ITGBL1: variants seen among roughly 807,000 people sequenced by gnomAD.
ITGBL1 encodes integrin beta-like protein 1.
In ITGBL1, 51 loss-of-function variants were observed where a neutral mutation model predicts 68.5. The observed-to-expected ratio is 0.74, with a 90% CI of 0.59 to 0.94. The LOEUF is 0.94. Among genes scored for constraint, ITGBL1 ranks in the 40% least tolerant of loss-of-function variants. The pLI, the probability that ITGBL1 is intolerant of heterozygous loss-of-function variation, is 0.00. For synonymous variants in ITGBL1, 209 were observed against 227.3 expected, an observed-to-expected ratio of 0.92 and a Z score of 0.72; for missense variants, 649 against 647.4, an observed-to-expected ratio of 1.00 and a Z score of -0.03.
At chr13:101,670,386 C>T (rs949410525) in intron 7 of ITGBL1, among the ~76,000 whole-genome samples, 1 of 152,126 alleles carries the variant, frequency 6.6e-6, no homozygotes, top group Non-Finnish European at 1.5e-5. Flanking sequence ...GTTTCTTAAA[C>T]CTTTTGATGA....
intron 7 of ITGBL1, among the ~76,000 whole-genome samples, chr13:101,632,026 AC>A (rs2031999419): frequency 6.6e-6 from 1 of 152,060 alleles, no homozygotes; most frequent in African/African-American, 2.4e-5. Flanking sequence ...AAAAGCAAAA[AC>A]TATAAAAATT....
chr13:101,591,198 C>G (rs117814162), intron 6 of ITGBL1, among the ~76,000 whole-genome samples: 1 of 152,218 alleles, frequency 6.6e-6, no homozygotes, highest in Middle Eastern at 3.4e-3. Flanking sequence ...TCACCACGTC[C>G]GATGGGAACT....
At chr13:101,606,391 G>T (rs1374794494) in intron 7 of ITGBL1, among the ~76,000 whole-genome samples, 2 of 151,364 alleles carry the variant, frequency 1.3e-5, no homozygotes, top group Non-Finnish European at 2.9e-5. Flanking sequence ...GTAACTAGAT[G>T]TAGCTCATAT....
intron 2 of ITGBL1, among the ~76,000 whole-genome samples, chr13:101,530,976 C>A (rs1324077619): frequency 6.6e-6 from 1 of 152,030 alleles, no homozygotes; most frequent in African/African-American, 2.4e-5. Context: ...GTTCGAAAGT[C>A]CATGGAGGTT....
At chr13:101,598,061 C>A in intron 6 of ITGBL1, 92 bp from the exon 7 acceptor site, 1 of 1,188,842 alleles carries the variant, frequency 8.4e-7, no homozygotes, top group South Asian at 1.6e-5. Flanking sequence ...AAGATCCTGA[C>A]TCATTTGTGA....
intron 2 of ITGBL1, among the ~76,000 whole-genome samples, chr13:101,566,775 C>G (rs2050189461): frequency 6.6e-6 from 1 of 152,168 alleles, no homozygotes; most frequent in Admixed American, 6.6e-5. Context: ...TACACTCTTC[C>G]TGTAACCCAT....
chr13:101,557,092 G>C (rs2050019515), intron 2 of ITGBL1, among the ~76,000 whole-genome samples: 1 of 152,200 alleles, frequency 6.6e-6, no homozygotes, highest in African/African-American at 2.4e-5. Context: ...CTGATGCACA[G>C]CTCCTGCTGG....
chr13:101,621,579 T>A (rs368641870), intron 7 of ITGBL1, among the ~76,000 whole-genome samples: 33 of 152,238 alleles, frequency 2.2e-4, no homozygotes, highest in South Asian at 1.2e-3. Flanking sequence ...TGCATAGCCA[T>A]TGAAAAAGGT....
At chr13:101,476,398 G>A (rs139860758) in intron 2 of ITGBL1, among the ~76,000 whole-genome samples, 1,632 of 151,738 alleles carry the variant, frequency 0.011, 21 homozygotes, top group Non-Finnish European at 0.014. Flanking sequence ...TTCACAAAAA[G>A]GAAGACAAGA....
chr13:101,527,475 G>A (rs2049400212), intron 2 of ITGBL1, among the ~76,000 whole-genome samples: 1 of 151,998 alleles, frequency 6.6e-6, no homozygotes, highest in African/African-American at 2.4e-5. Context: ...ACTATGGATG[G>A]TCATTTGAGT....
At chr13:101,719,563 A>G (rs2034851166), downstream of ITGBL1, 1 of 152,132 alleles carries the variant, frequency 6.6e-6, no homozygotes, top group Non-Finnish European at 1.5e-5. Flanking sequence ...TGTTTTAAAA[A>G]GCAATCTTAT....
intron 2 of ITGBL1, among the ~76,000 whole-genome samples, chr13:101,491,534 T>G (rs1414805232): frequency 1.3e-5 from 2 of 152,236 alleles, no homozygotes; most frequent in African/African-American, 4.8e-5. Flanking sequence ...ATTGTCATTT[T>G]CTTATGCCAC....
chr13:101,467,879 AT>A (rs200515803), intron 2 of ITGBL1, among the ~76,000 whole-genome samples: 26 of 149,628 alleles, frequency 1.7e-4, no homozygotes, highest in Admixed American at 3.3e-4. Context: ...GGTAGGCTAA[AT>A]TTTTTTTTTT....
intron 2 of ITGBL1, among the ~76,000 whole-genome samples, chr13:101,559,084 T>C (rs2050058790): frequency 6.6e-6 from 1 of 152,226 alleles, no homozygotes; most frequent in Non-Finnish European, 1.5e-5. Context: ...GTAGCATTAA[T>C]GCAAACACAC....
At chr13:101,480,611 C>G (rs568476358) in intron 2 of ITGBL1, among the ~76,000 whole-genome samples, 20 of 152,018 alleles carry the variant, frequency 1.3e-4, no homozygotes, top group African/African-American at 3.9e-4. Context: ...ACATTCTATG[C>G]CTGTATCCAA....
chr13:101,688,979 G>T (rs1295254761), intron 7 of ITGBL1, among the ~76,000 whole-genome samples: 1 of 151,756 alleles, frequency 6.6e-6, no homozygotes, highest in African/African-American at 2.4e-5. Context: ...CGGGTGGATT[G>T]CTTGAGGCCA....
intron 2 of ITGBL1, among the ~76,000 whole-genome samples, chr13:101,542,981 A>G (rs28883878): frequency 0.012 from 1,753 of 152,254 alleles, 34 homozygotes; most frequent in African/African-American, 0.04. Context: ...TCCTGAATAC[A>G]GCACACTGAT....
downstream of ITGBL1, chr13:101,717,879 T>A (rs182254174): frequency 6.6e-6 from 1 of 152,132 alleles, no homozygotes. Flanking sequence ...ATCCTCTGTA[T>A]GTTATTATCC....
chr13:101,496,627 C>G (rs778563314), intron 2 of ITGBL1, among the ~76,000 whole-genome samples: 11 of 152,148 alleles, frequency 7.2e-5, no homozygotes, highest in Non-Finnish European at 1.6e-4. Context: ...TGGCCTTTGA[C>G]TTTCCCTTGG....
Sources: allele counts gnomAD v4.1 joint callset (sites outside exome capture counted in the v4.1 genomes callset), GRCh38; gene constraint gnomAD v4.1.1; transcripts MANE v1.5; gene names NCBI Gene and HGNC (gene_info 2026-07-23, HGNC 2026-07-21).